The following MPP7 variants were observed in gnomAD, a reference collection of about 807,000 sequenced individuals.
The protein encoded by MPP7 is MAGUK p55 scaffold protein 7, also known as MAGUK p55 subfamily member 7.
MPP7 carries 60 observed loss-of-function variants against 76.5 expected under a neutral mutation model. The observed-to-expected ratio is 0.78, with a 90% CI of 0.64 to 0.97. The LOEUF (loss-of-function observed/expected upper bound fraction) is 0.97, where lower values mean the gene tolerates loss of function less well. MPP7 is among the 50% of genes least tolerant of loss of function. MPP7 has a pLI of 0.00. For missense variants in MPP7, 641 were observed against 694.0 expected, an observed-to-expected ratio of 0.92 and a Z score of 0.86; for synonymous variants, 237 against 244.5, an observed-to-expected ratio of 0.97 and a Z score of 0.29.
intron 3 of MPP7, among the ~76,000 whole-genome samples, chr10:28,192,761 G>A (rs145532820): frequency 4.8e-4 from 73 of 152,296 alleles, no homozygotes; most frequent in African/African-American, 1.7e-3. Flanking sequence ...TTGTGGATAT[G>A]ACAAACTGAT....
chr10:28,087,010 C>A (rs530378185), intron 12 of MPP7, among the ~76,000 whole-genome samples: 1 of 152,116 alleles, frequency 6.6e-6, no homozygotes, highest in African/African-American at 2.4e-5. Context: ...CCCCAAATTG[C>A]GTGTTGAAAT....
chr10:28,129,210 A>T (rs1024182443), intron 6 of MPP7, among the ~76,000 whole-genome samples: 68 of 152,180 alleles, frequency 4.5e-4, no homozygotes, highest in African/African-American at 1.6e-3. Context: ...AGCACATTAC[A>T]CGTGATACTG....
At chr10:28,316,903 C>T (rs1440790402) in intron 2 of MPP7, among the ~76,000 whole-genome samples, 2 of 152,166 alleles carry the variant, frequency 1.3e-5, no homozygotes, top group Admixed American at 1.3e-4. Context: ...AAGAGAAAAG[C>T]TCATTACTTC....
Position 28,053,710 on chromosome 10 carries a change from A to G in MPP7, c.*355T>C, listed in dbSNP as rs1415941020. ...ACAGCTAACATTCAAACTCGACAGC[A>G]GCAGCCACACCTGAGACCAGCAGAA... On this transcript the variant is annotated 3_prime_UTR_variant, in exon 17 of 17. Coordinates refer to ENST00000683449, the MANE Select transcript of MPP7 (RefSeq NM_001318170.2). 1 of 202,454 alleles carries G rather than the reference A, an allele frequency of 4.9e-6. No homozygotes were observed. The highest frequency in any genetic ancestry group is 1.6e-4 in the East Asian group (1 of 6,412). The allele number at this position is 202,454 out of a possible 1,614,324, so 12.5% of individuals were successfully genotyped here. A position where few individuals can be genotyped will look rare whatever the true frequency, so the allele number is the denominator to read the frequency against.
chr10:28,232,043 C>T (rs929296971), intron 2 of MPP7, among the ~76,000 whole-genome samples: 1 of 152,054 alleles, frequency 6.6e-6, no homozygotes, highest in South Asian at 2.1e-4. Context: ...CCCTAGAATG[C>T]AAGTTGGTTT....
At chr10:28,224,758 A>C (rs1014944721) in intron 2 of MPP7, among the ~76,000 whole-genome samples, 2 of 152,170 alleles carry the variant, frequency 1.3e-5, no homozygotes, top group Middle Eastern at 3.2e-3. Flanking sequence ...AAAACACAGC[A>C]TGAATCTATC....
At chr10:28,185,619 C>T (rs1365699499) in intron 3 of MPP7, among the ~76,000 whole-genome samples, 2 of 152,204 alleles carry the variant, frequency 1.3e-5, no homozygotes, top group Non-Finnish European at 2.9e-5. Flanking sequence ...ATTACACTCA[C>T]ACATCCAATC....
At position 28,329,522 on chromosome 10, in the gene MPP7, G is replaced by A. The variant is rs34827546; in HGVS notation, c.-132+407C>T. On this transcript the variant is annotated intron_variant, in intron 2 of 11. Transcript: ENST00000441595. The stretch of plus-strand genomic sequence containing the variant: ...TGGGTTCCTGTAGTCCCAGCTACTC[G>A]GGAGGCTGAGGCAGGAGAATGGTGT... 5.3e-5 allele frequency among the ~76,000 whole-genome samples: 8 copies of A among 151,440 alleles called. No individual in the cohort carries two copies. The South Asian group carries it at 1.0e-3, about 20-fold the overall frequency.
chr10:28,326,337 A>G (rs1834415251), intron 2 of MPP7, among the ~76,000 whole-genome samples: 2 of 152,222 alleles, frequency 1.3e-5, no homozygotes, highest in Admixed American at 1.3e-4. Flanking sequence ...GGGCTGCTAC[A>G]AATGAAGGCA....
intron 2 of MPP7, among the ~76,000 whole-genome samples, chr10:28,216,817 T>C (rs1838324565): frequency 6.6e-6 from 1 of 152,146 alleles, no homozygotes; most frequent in South Asian, 2.1e-4. Context: ...CACAAAACAG[T>C]TCATTAGATA....
chr10:28,319,997 C>T (rs1461046327), intron 2 of MPP7, among the ~76,000 whole-genome samples: 1 of 152,060 alleles, frequency 6.6e-6, no homozygotes, highest in Non-Finnish European at 1.5e-5. Flanking sequence ...CCAAATTATT[C>T]TTTCGGTGCC....
chr10:28,078,760 C>T (rs1167917037), intron 12 of MPP7, among the ~76,000 whole-genome samples: 2 of 152,174 alleles, frequency 1.3e-5, no homozygotes, highest in Non-Finnish European at 2.9e-5. Context: ...CATAATACTA[C>T]TTTAAATTCC....
intron 3 of MPP7, among the ~76,000 whole-genome samples, chr10:28,194,774 C>T (rs1837525811): frequency 6.6e-6 from 1 of 152,120 alleles, no homozygotes; most frequent in South Asian, 2.1e-4. Context: ...TTCTTCATGA[C>T]AATGTAATAA....
At chr10:28,305,501 CAATG>C (rs1251472582), upstream of MPP7, 1 of 151,940 alleles carries the variant, frequency 6.6e-6, no homozygotes, top group Admixed American at 6.6e-5. Context: ...GTGGATATAA[CAATG>C]AATAAGACAA....
chr10:28,330,038 G>A (rs1298677789), intron 1 of MPP7: 1 of 152,146 alleles, frequency 6.6e-6, no homozygotes, highest in African/African-American at 2.4e-5. Flanking sequence ...AGACAATTCG[G>A]TGAGGTGCTG....
rs1378502504 is a variant in MPP7 at position 28,334,449 on chromosome 10, A to T, written c.-237T>A. The T allele has an allele frequency of 3.3e-5, 5 of 152,194 alleles. 1 individual carries two copies. The highest frequency in any genetic ancestry group is 7.4e-5 in the Non-Finnish European group (5 of 68,024). The allele number at this position is 152,194 out of a possible 1,614,324, so 9.4% of individuals were successfully genotyped here. On this transcript the variant is annotated 5_prime_UTR_variant, in exon 1 of 12. Coordinates refer to the MPP7 transcript ENST00000441595. Reference sequence around the variant, plus strand: ...CCACAGCAATTGCATCCAGGATGAGATGATGGTTACGGTGTCTGAGTGAAG... The same window carrying T: ...CCACAGCAATTGCATCCAGGATGAGTTGATGGTTACGGTGTCTGAGTGAAG...
chr10:28,131,819 T>C lies in MPP7; in HGVS notation c.316-128A>G, dbSNP rs73606078. 2,535 of 323,630 alleles carry C rather than the reference T, an allele frequency of 7.8e-3. 66 individuals carry two copies. The highest frequency in any genetic ancestry group is 0.049 in the African/African-American group (2,201 of 44,570). 20.0% of individuals were successfully genotyped at this position (323,630 alleles called of 1,614,324 possible). ...AAACAGTGTTACGGTTTTGACATAGTAGTGGTAATAAGACAATTACTTGAA... is the reference window on the plus strand; with the variant it reads ...AAACAGTGTTACGGTTTTGACATAGCAGTGGTAATAAGACAATTACTTGAA... On this transcript the variant is annotated intron_variant, in intron 5 of 16. Transcript: ENST00000683449.
chr10:28,295,040 G>C (rs1012169390), intron 1 of MPP7, among the ~76,000 whole-genome samples: 3 of 152,108 alleles, frequency 2.0e-5, no homozygotes, highest in Middle Eastern at 3.2e-3. Context: ...CAAATCGCCA[G>C]GACCTCCCCT....
chr10:28,288,564 CATAA>C, intron 1 of MPP7, among the ~76,000 whole-genome samples: 1 of 152,168 alleles, frequency 6.6e-6, no homozygotes, highest in East Asian at 1.9e-4. Context: ...TTATTGAATT[CATAA>C]ATACTCTAAA....
Sources: allele counts gnomAD v4.1 joint callset (sites outside exome capture counted in the v4.1 genomes callset), GRCh38; gene constraint gnomAD v4.1.1; transcripts MANE v1.5; gene names NCBI Gene and HGNC (gene_info 2026-07-23, HGNC 2026-07-21).